The following CNTN5 variants were observed in gnomAD, a reference collection of about 807,000 sequenced individuals.
The protein encoded by CNTN5 is contactin 5.
A neutral mutation model predicts 129.1 loss-of-function variants in CNTN5; 77 were observed. That is an observed-to-expected ratio of 0.60 (90% CI 0.50 to 0.72). The LOEUF (loss-of-function observed/expected upper bound fraction) is 0.72, where lower values mean the gene tolerates loss of function less well. Ranked by LOEUF, CNTN5 falls within the 30% of genes least tolerant of loss-of-function variation. The pLI, the probability that CNTN5 is intolerant of heterozygous loss-of-function variation, is 0.00. For synonymous variants in CNTN5, 509 were observed against 465.6 expected (o/e 1.09, Z -1.20); for missense variants, 1,478 against 1,328.8 (o/e 1.11, Z -1.75).
At chr11:99,984,909 C>T (rs747482783) in intron 8 of CNTN5, among the ~76,000 whole-genome samples, 60 of 152,250 alleles carry the variant, frequency 3.9e-4, no homozygotes, top group Non-Finnish European at 6.5e-4. Context: ...TGTGCTCAAC[C>T]CCTTACAGAA....
chr11:100,076,676 T>G (rs1944141113), intron 13 of CNTN5, among the ~76,000 whole-genome samples: 1 of 152,070 alleles, frequency 6.6e-6, no homozygotes, highest in African/African-American at 2.4e-5. Flanking sequence ...ATGTAATTTT[T>G]TTTTTTAATT....
Position 99,977,885 on chromosome 11 carries a change from G to A in CNTN5, c.877+20876G>A, listed in dbSNP as rs190510143. Among the ~76,000 whole-genome samples the A allele has an allele frequency of 1.3e-3, 200 of 152,248 alleles. 1 individual carries two copies. Among genetic ancestry groups the A allele is most frequent in the African/African-American group, 4.7e-3 (197 of 41,554 alleles). On this transcript the variant is annotated intron_variant, in intron 8 of 24. Transcript: ENST00000524871. ...AAAATTCCACTAAATTGTTGTTTAG[G>A]TGAATAAGAATTATGTTATTAAAAA...
At chr11:99,206,638 A>C (rs992901267) in intron 1 of CNTN5, among the ~76,000 whole-genome samples, 2 of 152,100 alleles carry the variant, frequency 1.3e-5, no homozygotes, top group African/African-American at 4.8e-5. Flanking sequence ...CTTAGCTGGA[A>C]CTAAGTATAC....
At chr11:99,214,967 A>G (rs764641232) in intron 1 of CNTN5, among the ~76,000 whole-genome samples, 1 of 151,822 alleles carries the variant, frequency 6.6e-6, no homozygotes, top group Non-Finnish European at 1.5e-5. Context: ...TGACTGAAAG[A>G]TTTTCTTGTA....
At chr11:99,792,098 C>G (rs944432260) in intron 3 of CNTN5, among the ~76,000 whole-genome samples, 1 of 151,840 alleles carries the variant, frequency 6.6e-6, no homozygotes, top group Non-Finnish European at 1.5e-5. Flanking sequence ...ATTTTTTTCT[C>G]TTGCCTGTTT....
chr11:99,513,865 C>A (rs948757919), intron 2 of CNTN5, among the ~76,000 whole-genome samples: 1 of 152,036 alleles, frequency 6.6e-6, no homozygotes, highest in African/African-American at 2.4e-5. Flanking sequence ...CATTCTGTAG[C>A]CCATGGATCA....
intron 7 of CNTN5, among the ~76,000 whole-genome samples, chr11:99,932,382 G>A (rs538172122): frequency 1.1e-4 from 16 of 152,014 alleles, no homozygotes; most frequent in African/African-American, 2.9e-4. Flanking sequence ...TAGTAGAGAC[G>A]GGGTTTCTCC....
chr11:99,944,655 T>C (rs1258911281), intron 7 of CNTN5, among the ~76,000 whole-genome samples: 1 of 152,088 alleles, frequency 6.6e-6, no homozygotes. Flanking sequence ...GATAAACAAC[T>C]TCAGCTAAGT....
At chr11:99,827,939 G>T (rs1341066271) in intron 4 of CNTN5, among the ~76,000 whole-genome samples, 1 of 152,130 alleles carries the variant, frequency 6.6e-6, no homozygotes, top group African/African-American at 2.4e-5. Context: ...ATTAAACAGA[G>T]ATGTACTTTT....
rs559348021 is a variant in CNTN5, at chr11:99,228,924, T to C, written c.-209-96422T>C. Among the ~76,000 whole-genome samples, 207 of 152,158 alleles carry C rather than the reference T, an allele frequency of 1.4e-3. 1 individual carries two copies. The highest frequency in any genetic ancestry group is 4.8e-3 in the African/African-American group (201 of 41,554). On this transcript the variant is annotated intron_variant, in intron 1 of 24. Transcript: ENST00000524871. ...TATTTCACAGTACTGGTTTTATTTC[T>C]TTATGATTGTTTTGCCTTTATATTT... is the stretch of plus-strand genomic sequence containing the variant.
At chr11:99,626,112 G>A (rs573318436) in intron 3 of CNTN5, among the ~76,000 whole-genome samples, 49 of 151,988 alleles carry the variant, frequency 3.2e-4, no homozygotes, top group Admixed American at 6.6e-4. Flanking sequence ...GGAGAATGGA[G>A]AGAAGCGCTG....
At chr11:100,181,043 T>C (rs1270033528) in intron 13 of CNTN5, among the ~76,000 whole-genome samples, 2 of 152,152 alleles carry the variant, frequency 1.3e-5, no homozygotes, top group South Asian at 2.1e-4. Context: ...ACAGATATTA[T>C]ACTCTTGGGC....
At chr11:99,807,291 T>C (rs200648702) in intron 3 of CNTN5, among the ~76,000 whole-genome samples, 1 of 152,210 alleles carries the variant, frequency 6.6e-6, no homozygotes, top group East Asian at 1.9e-4. Flanking sequence ...TAGCAGTAGC[T>C]ATTTTCACTT....
intron 3 of CNTN5, among the ~76,000 whole-genome samples, chr11:99,728,976 C>T (rs1943440978): frequency 6.6e-6 from 1 of 152,118 alleles, no homozygotes. Flanking sequence ...GGTTCTTGAG[C>T]CATACCATCT....
chr11:99,628,188 A>G (rs780198188), intron 3 of CNTN5, among the ~76,000 whole-genome samples: 6 of 152,008 alleles, frequency 3.9e-5, no homozygotes, highest in Non-Finnish European at 7.4e-5. Context: ...ATAATTTATC[A>G]TCATTATCAC....
chr11:99,353,369 G>A (rs1458288851), intron 2 of CNTN5, among the ~76,000 whole-genome samples: 4 of 152,116 alleles, frequency 2.6e-5, no homozygotes, highest in African/African-American at 7.2e-5. Flanking sequence ...ATGACACAGG[G>A]AATTCTGGGT....
chr11:99,387,461 C>G (rs1940985065), intron 2 of CNTN5, among the ~76,000 whole-genome samples: 2 of 152,300 alleles, frequency 1.3e-5, no homozygotes, highest in Non-Finnish European at 2.9e-5. Flanking sequence ...AACACCATTT[C>G]TACTAGCTGT....
intron 3 of CNTN5, among the ~76,000 whole-genome samples, chr11:99,577,424 T>C (rs1417843908): frequency 6.6e-6 from 1 of 152,162 alleles, no homozygotes; most frequent in Non-Finnish European, 1.5e-5. Flanking sequence ...TTAATCTTAA[T>C]GTTTAGAGAA....
intron 3 of CNTN5, among the ~76,000 whole-genome samples, chr11:99,817,022 A>G (rs1261658690): frequency 6.6e-6 from 1 of 152,228 alleles, no homozygotes; most frequent in African/African-American, 2.4e-5. Context: ...TTAAAGCTGA[A>G]TGAGAGTTTT....
Sources: gnomAD v4.1 joint callset for allele counts (sites outside exome capture counted in the v4.1 genomes callset) on GRCh38, gnomAD v4.1.1 for gene constraint, MANE v1.5 for transcripts, NCBI Gene and HGNC (gene_info 2026-07-23, HGNC 2026-07-21) for gene names.